The following ADAMTSL1 variants were observed in gnomAD, a reference collection of about 807,000 sequenced individuals.
The protein encoded by ADAMTSL1 is ADAMTS-like protein 1.
A neutral mutation model predicts 201.8 loss-of-function variants in ADAMTSL1; 126 were observed. The observed-to-expected ratio is 0.62, with a 90% CI of 0.54 to 0.72. The LOEUF (loss-of-function observed/expected upper bound fraction) is 0.72. Among genes scored for constraint, ADAMTSL1 ranks in the 30% least tolerant of loss-of-function variants. The pLI is 0.00. For synonymous variants in ADAMTSL1, 1,121 were observed against 903.4 expected (o/e 1.24, Z -4.32); for missense variants, 2,679 against 2,277.8 (o/e 1.18, Z -3.59).
chr9:18,479,205 C>A (rs1821605153), intron 1 of ADAMTSL1, among the ~76,000 whole-genome samples: 2 of 152,142 alleles, frequency 1.3e-5, no homozygotes, highest in African/African-American at 4.8e-5. Context: ...TTCTGTTTTG[C>A]CTCTCAGGGA....
chr9:18,411,864 C>T (rs1480251390), intron 2 of ADAMTSL1, among the ~76,000 whole-genome samples: 2 of 152,140 alleles, frequency 1.3e-5, no homozygotes, highest in African/African-American at 4.8e-5. Context: ...TTAATATAAT[C>T]TAATACCTAT....
At chr9:18,814,601 G>C (rs1371701121) in intron 20 of ADAMTSL1, among the ~76,000 whole-genome samples, 2 of 152,184 alleles carry the variant, frequency 1.3e-5, no homozygotes, top group African/African-American at 2.4e-5. Flanking sequence ...GATGGAGCTG[G>C]AGGCCATTAC....
intron 2 of ADAMTSL1, among the ~76,000 whole-genome samples, chr9:18,234,207 G>A (rs977974866): frequency 1.3e-5 from 2 of 152,198 alleles, no homozygotes; most frequent in Admixed American, 6.5e-5. Context: ...GAGGACTGGT[G>A]GTGCCAGTTA....
intron 2 of ADAMTSL1, among the ~76,000 whole-genome samples, chr9:18,277,678 G>A (rs1832636968): frequency 1.3e-5 from 2 of 152,154 alleles, no homozygotes; most frequent in Admixed American, 6.5e-5. Flanking sequence ...AAGCTAAAGT[G>A]AGTCTCTTGT....
intron 2 of ADAMTSL1, among the ~76,000 whole-genome samples, chr9:18,519,862 T>C (rs548992411): frequency 6.6e-6 from 1 of 152,360 alleles, no homozygotes; most frequent in African/African-American, 2.4e-5. Context: ...GGGCATGACC[T>C]TTATGGTCTA....
intron 1 of ADAMTSL1, among the ~76,000 whole-genome samples, chr9:18,108,417 C>G (rs1213346525): frequency 2.0e-5 from 3 of 151,954 alleles, no homozygotes; most frequent in African/African-American, 7.3e-5. Context: ...ACAGGCTGGT[C>G]TTGAACTCCT....
At chr9:18,529,807 A>G (rs1273000512) in intron 2 of ADAMTSL1, among the ~76,000 whole-genome samples, 1 of 152,178 alleles carries the variant, frequency 6.6e-6, no homozygotes. Context: ...AATATATTAA[A>G]GGGAAGATAG....
intron 2 of ADAMTSL1, among the ~76,000 whole-genome samples, chr9:18,403,777 T>A (rs192141352): frequency 1.6e-3 from 240 of 152,286 alleles, no homozygotes; most frequent in Non-Finnish European, 2.2e-3. Context: ...GTCCTTGAGT[T>A]TCTTCTGAAA....
intron 2 of ADAMTSL1, among the ~76,000 whole-genome samples, chr9:18,305,862 A>C (rs1001636003): frequency 3.3e-5 from 5 of 151,962 alleles, no homozygotes; most frequent in African/African-American, 9.7e-5. Flanking sequence ...CTCTACTAAG[A>C]GACAGACTGC....
chr9:18,897,425 C>T lies in ADAMTSL1; in HGVS notation c.4851+4829C>T, dbSNP rs141417708. On this transcript the variant is annotated intron_variant, in intron 26 of 28. Transcript: ENST00000380548. ...CATCCCTCCTGACTGGGTGAGACCT[C>T]CCAACAGGGGTCTCCAGACACCTCC... 3.3e-3 allele frequency among the ~76,000 whole-genome samples: 500 copies of T among 152,232 alleles called. 3 individuals are homozygous for T. The highest frequency in any genetic ancestry group is 0.011 in the African/African-American group (470 of 41,498).
chr9:18,488,301 C>T (rs559943682), intron 1 of ADAMTSL1, among the ~76,000 whole-genome samples: 7 of 152,144 alleles, frequency 4.6e-5, no homozygotes, highest in East Asian at 1.9e-4. Flanking sequence ...AATCTAGGGG[C>T]GCCTGTTTCC....
At chr9:18,833,169 G>T (rs768252843) in intron 23 of ADAMTSL1, among the ~76,000 whole-genome samples, 3 of 152,176 alleles carry the variant, frequency 2.0e-5, no homozygotes. Context: ...TGAAACCTTG[G>T]GACTAGCAAG....
intron 2 of ADAMTSL1, among the ~76,000 whole-genome samples, chr9:18,527,535 A>G (rs1359975501): frequency 6.6e-5 from 10 of 152,162 alleles, no homozygotes; most frequent in Non-Finnish European, 1.3e-4. Flanking sequence ...GAAGCTAACA[A>G]GTTGTTTGAC....
chr9:17,956,952 A>G (rs1379626674), intron 1 of ADAMTSL1, among the ~76,000 whole-genome samples: 1 of 152,138 alleles, frequency 6.6e-6, no homozygotes, highest in Non-Finnish European at 1.5e-5. Context: ...AAGAATTAAA[A>G]TCATCCTACT....
At chr9:18,169,109 T>C (rs1827770368) in intron 2 of ADAMTSL1, among the ~76,000 whole-genome samples, 1 of 138,704 alleles carries the variant, frequency 7.2e-6, no homozygotes, top group Non-Finnish European at 1.6e-5. Flanking sequence ...TGTTTTGCTG[T>C]GCAGAAGCTC....
At chr9:18,081,042 C>G (rs1292165511) in intron 1 of ADAMTSL1, among the ~76,000 whole-genome samples, 1 of 152,158 alleles carries the variant, frequency 6.6e-6, no homozygotes, top group Non-Finnish European at 1.5e-5. Context: ...TTGTACCTTA[C>G]TTATAAAGAT....
chr9:18,602,308 C>A (rs1159253868), intron 4 of ADAMTSL1, among the ~76,000 whole-genome samples: 1 of 152,148 alleles, frequency 6.6e-6, no homozygotes, highest in African/African-American at 2.4e-5. Context: ...TGCACTAGGA[C>A]AAAACGAAAC....
intron 2 of ADAMTSL1, among the ~76,000 whole-genome samples, chr9:18,369,445 T>A (rs1836940940): frequency 6.6e-6 from 1 of 152,132 alleles, no homozygotes; most frequent in African/African-American, 2.4e-5. Context: ...CTCACATCAG[T>A]CAGAAGGGCT....
intron 10 of ADAMTSL1, among the ~76,000 whole-genome samples, chr9:18,677,949 G>A (rs925608732): frequency 2.0e-5 from 3 of 151,930 alleles, no homozygotes; most frequent in Admixed American, 6.6e-5. Context: ...GCTCAAAAAT[G>A]GTTCTCAAAT....
Sources: allele counts gnomAD v4.1 joint callset (sites outside exome capture counted in the v4.1 genomes callset), GRCh38; gene constraint gnomAD v4.1.1; transcripts MANE v1.5; gene names NCBI Gene and HGNC (gene_info 2026-07-23, HGNC 2026-07-21).